The following POT1 variants were observed in gnomAD, a reference collection of about 807,000 sequenced individuals.
The protein encoded by POT1 is protection of telomeres 1, also known as protection of telomeres protein 1.
POT1 carries 47 observed loss-of-function variants against 78.5 expected under a neutral mutation model. The observed-to-expected ratio is 0.60, with a 90% CI of 0.47 to 0.76. The LOEUF is 0.76. POT1 is among the 30% of genes least tolerant of loss of function. POT1 has a pLI of 0.00. For missense variants in POT1, 646 were observed against 749.9 expected (o/e 0.86, Z 1.62); for synonymous variants, 259 against 260.7 (o/e 0.99, Z 0.06).
rs1795514833 is a variant in POT1 at position 124,858,973 on chromosome 7, A to T, written c.686T>A (p.Val229Glu). The T allele has an allele frequency of 6.2e-7, 1 of 1,607,624 alleles. No homozygotes were observed. The highest frequency in any genetic ancestry group is 8.5e-7 in the Non-Finnish European group (1 of 1,175,960). The change falls in exon 9 of 19, where the codon GTG becomes GAG. Residue 229 changes from valine to glutamate, a missense_variant. Physicochemically the swap from Val to Glu is moderately radical, Grantham distance 121. Coordinates refer to ENST00000357628, the MANE Select transcript of POT1 (RefSeq NM_015450.3). Reference sequence around the variant, plus strand: ...ATACATCACCTTCAGAGATCTTGCCACATGAACATGGTTATCGTAGACTAA... The same window carrying T: ...ATACATCACCTTCAGAGATCTTGCCTCATGAACATGGTTATCGTAGACTAA... ...DILVYDNHVHVARSLKVGSFL... is the reference protein window; with the variant it reads ...DILVYDNHVHEARSLKVGSFL...
chr7:124,883,822 T>C (rs757495009), intron 6 of POT1, among the ~76,000 whole-genome samples: 1 of 151,782 alleles, frequency 6.6e-6, no homozygotes, highest in Non-Finnish European at 1.5e-5. Context: ...TTAAAAAAAA[T>C]TGAAAAATAG....
In POT1 at chr7:124,904,940, T is replaced by C. The variant is rs1378521569; in HGVS notation, c.-153-6566A>G. ...ACTTAGGAATCCAACTTACAAGGGA[T>C]GTGAAGGACCTCTTCAAGGAGAACT... On this transcript the variant is annotated intron_variant, in intron 3 of 18. Coordinates refer to ENST00000357628, the MANE Select transcript of POT1 (RefSeq NM_015450.3). Among the ~76,000 whole-genome samples the C allele has an allele frequency of 3.9e-5, 6 of 152,280 alleles. No individual in the cohort carries two copies. The East Asian group carries it at 9.6e-4, about 24-fold the overall frequency.
intron 14 of POT1, among the ~76,000 whole-genome samples, chr7:124,836,407 A>C (rs1015537242): frequency 2.0e-5 from 3 of 152,182 alleles, no homozygotes; most frequent in African/African-American, 7.2e-5. Flanking sequence ...AACTCTCATT[A>C]TGCATGCTTA....
At chr7:124,905,246 G>A (rs527908126) in intron 3 of POT1, among the ~76,000 whole-genome samples, 9 of 152,202 alleles carry the variant, frequency 5.9e-5, no homozygotes, top group Non-Finnish European at 7.3e-5. Flanking sequence ...CAGGGCTACA[G>A]TAACCAAAAC....
intron 3 of POT1, among the ~76,000 whole-genome samples, chr7:124,915,215 C>T (rs1184868261): frequency 6.6e-6 from 1 of 152,202 alleles, no homozygotes; most frequent in East Asian, 1.9e-4. Context: ...CCACAGGCTT[C>T]AGATGAGATC....
At chr7:124,854,334 T>C (rs182001372) in intron 9 of POT1, among the ~76,000 whole-genome samples, 19 of 152,016 alleles carry the variant, frequency 1.2e-4, no homozygotes, top group African/African-American at 3.9e-4. Flanking sequence ...CACTGAATAA[T>C]TGGAAAGCAA....
At chr7:124,881,201 G>GA (rs1490564692) in intron 6 of POT1, among the ~76,000 whole-genome samples, 2 of 151,728 alleles carry the variant, frequency 1.3e-5, no homozygotes. Flanking sequence ...ATTTTCATAT[G>GA]AAAAAACACA....
chr7:124,911,583 A>G (rs1227382468), intron 3 of POT1, among the ~76,000 whole-genome samples: 1 of 152,182 alleles, frequency 6.6e-6, no homozygotes, highest in Non-Finnish European at 1.5e-5. Context: ...TAAATTCTAA[A>G]GCAAGGTTTT....
intron 3 of POT1, among the ~76,000 whole-genome samples, chr7:124,910,842 A>G (rs1025971114): frequency 1.3e-5 from 2 of 152,044 alleles, no homozygotes; most frequent in African/African-American, 4.8e-5. Flanking sequence ...AGACAGGTAT[A>G]CAATCAGACA....
intron 7 of POT1, among the ~76,000 whole-genome samples, chr7:124,868,566 T>C (rs1414361023): frequency 2.0e-5 from 3 of 151,660 alleles, no homozygotes; most frequent in African/African-American, 7.3e-5. Context: ...CATCCACAGA[T>C]TTCAAAATAC....
intron 8 of POT1, among the ~76,000 whole-genome samples, chr7:124,860,023 GA>G (rs1795548620): frequency 6.6e-6 from 1 of 151,884 alleles, no homozygotes; most frequent in South Asian, 2.1e-4. Flanking sequence ...GGTTGAGATG[GA>G]AAATGATTAT....
intron 3 of POT1, among the ~76,000 whole-genome samples, chr7:124,905,545 C>T (rs1363438868): frequency 1.3e-5 from 2 of 151,820 alleles, no homozygotes; most frequent in Non-Finnish European, 2.9e-5. Flanking sequence ...AGAAGAAAAC[C>T]TAGGCAATAT....
chr7:124,876,234 C>T (rs2116582849), intron 6 of POT1, among the ~76,000 whole-genome samples: 1 of 152,238 alleles, frequency 6.6e-6, no homozygotes, highest in East Asian at 1.9e-4. Flanking sequence ...ATAAAAATGA[C>T]TTTGCTATGT....
Position 124,823,958 on chromosome 7 carries a change from A to C in POT1, c.*4T>G. 1 of 1,534,286 alleles carries C rather than the reference A, an allele frequency of 6.5e-7. No homozygotes were observed. Among genetic ancestry groups the C allele is most frequent in the Non-Finnish European group, 9.0e-7 (1 of 1,110,562 alleles). ...TTTTATGTATGCTAAATTGGATGGCAATATTAGATTACATCTTCTGCAACT... is the reference window on the plus strand; with the variant it reads ...TTTTATGTATGCTAAATTGGATGGCCATATTAGATTACATCTTCTGCAACT... On this transcript the variant is annotated 3_prime_UTR_variant, in exon 19 of 19. Transcript: ENST00000357628.
chr7:124,846,440 T>G (rs1050430106), intron 12 of POT1, among the ~76,000 whole-genome samples: 4 of 152,166 alleles, frequency 2.6e-5, no homozygotes, highest in Non-Finnish European at 4.4e-5. Context: ...TGAAAATTTT[T>G]TTTTAATCTT....
At chr7:124,900,142 T>C (rs1249054725) in intron 3 of POT1, among the ~76,000 whole-genome samples, 2 of 152,174 alleles carry the variant, frequency 1.3e-5, no homozygotes, top group African/African-American at 4.8e-5. Flanking sequence ...AAAAACTGCA[T>C]TGAAGGCCCT....
chr7:124,893,876 T>G lies in POT1; in HGVS notation c.10-1496A>C, dbSNP rs189828860. Among the ~76,000 whole-genome samples the G allele has an allele frequency of 2.0e-4, 31 of 151,718 alleles. 1 individual carries two copies. In the East Asian group the frequency reaches 5.4e-3, roughly 26 times the overall value. ...GCTCAGCTCGTGTCTCCTTAGGTGT[T>G]GACTTTCAGCTTTTCTTTTCTCAAA... On this transcript the variant is annotated intron_variant, in intron 5 of 18. Transcript: ENST00000357628.
intron 15 of POT1, 145 bp downstream of exon 15, chr7:124,835,134 C>T (rs543026846): frequency 7.6e-6 from 7 of 927,076 alleles, no homozygotes; most frequent in Middle Eastern, 3.5e-4. Flanking sequence ...AGGAGAAATG[C>T]CTAATGCAGG....
chr7:124,890,294 C>T (rs1796339129), intron 6 of POT1, among the ~76,000 whole-genome samples: 2 of 151,884 alleles, frequency 1.3e-5, no homozygotes. Context: ...CATAATAAAA[C>T]TTCAACAGAT....
Sources: allele counts gnomAD v4.1 joint callset (sites outside exome capture counted in the v4.1 genomes callset), GRCh38; gene constraint gnomAD v4.1.1; transcripts MANE v1.5; gene names NCBI Gene and HGNC (gene_info 2026-07-23, HGNC 2026-07-21).